The following ELF4 variants were observed in gnomAD, a reference collection of about 807,000 sequenced individuals.
ELF4 encodes the protein E74 like ETS transcription factor 4, also known as ETS-related transcription factor Elf-4.
Under a neutral mutation model 31.7 loss-of-function variants are expected in ELF4, and 10 were observed. The ratio of observed to expected loss-of-function variants is 0.32; its 90% CI spans 0.19 to 0.54. ELF4 has a LOEUF of 0.54. Ranked by LOEUF, ELF4 falls within the 20% of genes least tolerant of loss-of-function variation. The pLI, the probability that ELF4 is intolerant of heterozygous loss-of-function variation, is 0.95. For synonymous variants in ELF4, 208 were observed against 226.7 expected (o/e 0.92, Z 0.74); for missense variants, 418 against 522.0 (o/e 0.80, Z 1.94).
chrX:130,069,599 G>A lies in ELF4; in HGVS notation c.888C>T (p.Asp296=). Residue 296 remains aspartate (D), a synonymous_variant, in exon 8 of 9, where the codon GAC becomes GAT. Coordinates refer to ENST00000308167, the MANE Select transcript of ELF4 (RefSeq NM_001421.4). ...LVYQFKEMPK[D]LVVIEDEDES... is the part of the protein sequence containing the mutation. The stretch of plus-strand genomic sequence containing the variant: ...CATCCTCATCTTCAATGACCACCAG[G>A]TCCTTGGGCATCTCCTTAAACTGGT... 8.3e-7 allele frequency: 1 copy of A among 1,211,652 alleles called. No individual in the cohort carries two copies. The highest frequency in any genetic ancestry group is 1.1e-6 in the Non-Finnish European group (1 of 895,197).
chrX:130,101,138 C>G (rs1372148616), intron 1 of ELF4, among the ~76,000 whole-genome samples: 1 of 112,530 alleles, frequency 8.9e-6, no homozygotes, highest in Non-Finnish European at 1.9e-5. Context: ...TGGTTGATCA[C>G]TGAACCCTCA....
At chrX:130,100,012 C>A (rs1047478443) in intron 1 of ELF4, among the ~76,000 whole-genome samples, 2 of 111,114 alleles carry the variant, frequency 1.8e-5, no homozygotes, top group Non-Finnish European at 3.8e-5. Context: ...GGCAAGTGGT[C>A]ACCTGGTGGG....
intron 2 of ELF4, among the ~76,000 whole-genome samples, chrX:130,078,807 A>ACACACACACACACAC (rs1932860456): frequency 9.7e-6 from 1 of 102,667 alleles, no homozygotes; most frequent in Non-Finnish European, 2.0e-5. Flanking sequence ...ACACACACAC[A>ACACACACACACACAC]ATTAGCCAGG....
At chrX:130,078,762 TAC>T (rs530565075) in intron 2 of ELF4, among the ~76,000 whole-genome samples, 7,835 of 84,572 alleles carry the variant, frequency 0.093, 639 homozygotes, top group African/African-American at 0.25. Context: ...TCTCTCTCTC[TAC>T]ACACACACAC....
intron 4 of ELF4, among the ~76,000 whole-genome samples, chrX:130,073,834 C>T (rs1288428366): frequency 2.7e-5 from 3 of 112,694 alleles, no homozygotes; most frequent in Non-Finnish European, 5.6e-5. Flanking sequence ...GAAATTCTGA[C>T]ACGTGCTACA....
At chrX:130,099,769 T>C (rs1933215806) in intron 1 of ELF4, among the ~76,000 whole-genome samples, 1 of 109,985 alleles carries the variant, frequency 9.1e-6, no homozygotes, top group African/African-American at 3.3e-5. Context: ...CTCCCAAGTA[T>C]CTGGGATTAT....
chrX:130,079,950 C>A (rs1214905987), intron 2 of ELF4, among the ~76,000 whole-genome samples: 2 of 111,743 alleles, frequency 1.8e-5, no homozygotes, highest in Non-Finnish European at 3.8e-5. Context: ...AGGAGGTAGA[C>A]GGAAAGTTCA....
chrX:130,101,801 A>AAAACAAAACAAAAC (rs1933264194), intron 1 of ELF4, among the ~76,000 whole-genome samples: 6 of 97,370 alleles, frequency 6.2e-5, no homozygotes, highest in African/African-American at 2.1e-4. Context: ...CTCCGTCTCA[A>AAAACAAAACAAAAC]AAAACAAAAC....
At position 130,066,711 on chromosome X, in the gene ELF4, A is replaced by G; in HGVS notation, c.*10T>C. ...TGCCTGGTGGGTCACACTTGCCCTG[A>G]CCCCTTTGCTTATATGTCATGGGGC... On this transcript the variant is annotated 3_prime_UTR_variant, in exon 9 of 9. Coordinates refer to ENST00000308167, the MANE Select transcript of ELF4 (RefSeq NM_001421.4). The G allele has an allele frequency of 8.3e-7, 1 of 1,207,604 alleles. No homozygotes were observed. The highest frequency in any genetic ancestry group is 3.0e-5 in the East Asian group (1 of 33,781).
At chrX:130,102,884 G>GAGAGAGAGAA in intron 1 of ELF4, among the ~76,000 whole-genome samples, 1 of 43,746 alleles carries the variant, frequency 2.3e-5, no homozygotes, top group Non-Finnish European at 3.9e-5. Flanking sequence ...GAGAGAGAGA[G>GAGAGAGAGAA]AGAAAGAAAG....
chrX:130,097,858 T>C (rs1199861041), intron 1 of ELF4, among the ~76,000 whole-genome samples: 1 of 112,946 alleles, frequency 8.9e-6, no homozygotes, highest in Admixed American at 9.3e-5. Flanking sequence ...TAGCCCCCGC[T>C]GGACAGGATG....
rs182486062 is a variant in ELF4, at chrX:130,102,423, T to C, written c.-210+7902A>G. ...GACCAATCAATGGAATTGAATAGAG[T>C]GCAGAAATGGGCCCACATATAGACA... On this transcript the variant is annotated intron_variant, in intron 1 of 8. Transcript: ENST00000308167. 6.3e-5 allele frequency among the ~76,000 whole-genome samples: 7 copies of C among 111,510 alleles called. No homozygotes were observed. The East Asian group carries it at 2.0e-3, about 31-fold the overall frequency.
chrX:130,079,957 T>G (rs940433183), intron 2 of ELF4, among the ~76,000 whole-genome samples: 2 of 111,784 alleles, frequency 1.8e-5, no homozygotes, highest in African/African-American at 6.5e-5. Context: ...AGACGGAAAG[T>G]TCAAAGTGCT....
chrX:130,073,910 A>G (rs892400418), intron 4 of ELF4, 139 bp downstream of exon 4: 27 of 604,151 alleles, frequency 4.5e-5, no homozygotes, highest in Non-Finnish European at 6.8e-5. Flanking sequence ...ACAAAAAGAT[A>G]AAAGTCATAT....
rs1462238804 is a variant in ELF4, at chrX:130,067,361, G to C, written c.1352C>G (p.Ser451Cys). Residue 451 changes from serine to cysteine, a missense_variant, in exon 9 of 9, where the codon TCT (serine) becomes TGT (cysteine). By Grantham distance (112) the Ser-to-Cys change is moderately radical. This residue lies in a region of ELF4 where 260 missense variants were observed against 269.2 expected (regional missense o/e 0.97). Transcript: ENST00000308167. ...CAAAGTGAAGGTGTCCTTGAAAGTA[G>C]AGGCCGCTGGAACACTCTGGAGAAC... ...QLVLQSVPAA[S>C]TFKDTFTLQA... 3 of 1,212,121 alleles carry C rather than the reference G, an allele frequency of 2.5e-6. No individual in the cohort carries two copies. The highest frequency in any genetic ancestry group is 3.3e-6 in the Non-Finnish European group (3 of 895,586).
chrX:130,101,271 G>T (rs1352333028), intron 1 of ELF4, among the ~76,000 whole-genome samples: 1 of 112,316 alleles, frequency 8.9e-6, no homozygotes, highest in Non-Finnish European at 1.9e-5. Context: ...GACAGACAAG[G>T]CTGAGCAAGA....
chrX:130,101,613 G>A (rs942572651), intron 1 of ELF4, among the ~76,000 whole-genome samples: 14 of 110,154 alleles, frequency 1.3e-4, no homozygotes, highest in African/African-American at 4.6e-4. Flanking sequence ...CCAACATGGA[G>A]AAACCTCGTC....
chrX:130,092,635 G>C (rs893295919), intron 1 of ELF4, among the ~76,000 whole-genome samples: 1 of 112,182 alleles, frequency 8.9e-6, no homozygotes, highest in African/African-American at 3.2e-5. Context: ...CCTGGCCTTA[G>C]AGGACTGGAT....
At chrX:130,101,813 A>AAACAAAACAC (rs1785333261) in intron 1 of ELF4, among the ~76,000 whole-genome samples, 2 of 105,592 alleles carry the variant, frequency 1.9e-5, no homozygotes, top group Admixed American at 2.1e-4. Context: ...AAACAAAACA[A>AAACAAAACAC]AACAAAACAA....
Sources: gnomAD v4.1 joint callset for allele counts (sites outside exome capture counted in the v4.1 genomes callset) on GRCh38, gnomAD v4.1.1 for gene constraint, gnomAD v4.1.1 regional missense constraint, MANE v1.5 for transcripts, NCBI Gene and HGNC (gene_info 2026-07-23, HGNC 2026-07-21) for gene names.